The following ARNT2 variants were observed in gnomAD, a reference collection of about 807,000 sequenced individuals.
ARNT2 encodes aryl hydrocarbon receptor nuclear translocator 2.
ARNT2 carries 36 observed loss-of-function variants against 91.7 expected under a neutral mutation model. The observed-to-expected ratio is 0.39, with a 90% confidence interval of 0.30 to 0.52. The LOEUF is 0.52. ARNT2 is among the 20% of genes least tolerant of loss of function. ARNT2 has a pLI of 0.72. For missense variants in ARNT2, 775 were observed against 939.3 expected (o/e 0.83, Z 2.29); for synonymous variants, 365 against 347.1 (o/e 1.05, Z -0.57).
chr15:80,462,211 A>AT (rs111678549), intron 3 of ARNT2, among the ~76,000 whole-genome samples: 69,331 of 151,654 alleles, frequency 0.46, 15,876 homozygotes, highest in African/African-American at 0.49. Context: ...AGATTGATAC[A>AT]TTTTCTAGGG....
chr15:80,573,406 G>A (rs1015770810), intron 12 of ARNT2, among the ~76,000 whole-genome samples: 1 of 152,152 alleles, frequency 6.6e-6, no homozygotes, highest in Non-Finnish European at 1.5e-5. Flanking sequence ...AGTAATGTCT[G>A]TTAGTAATTT....
intron 1 of ARNT2, among the ~76,000 whole-genome samples, chr15:80,445,495 T>C (rs962738944): frequency 6.6e-6 from 1 of 151,072 alleles, no homozygotes; most frequent in Non-Finnish European, 1.5e-5. Flanking sequence ...GTGGTGTGTG[T>C]GAGTGGTATG....
intron 12 of ARNT2, among the ~76,000 whole-genome samples, chr15:80,565,730 G>GT (rs1415898580): frequency 6.6e-6 from 1 of 151,622 alleles, no homozygotes; most frequent in African/African-American, 2.4e-5. Context: ...AATGGGATTT[G>GT]TTTTTTTCTC....
intron 1 of ARNT2, among the ~76,000 whole-genome samples, chr15:80,425,813 C>CAAGGCAGGAGGATCACTT (rs1158452500): frequency 1.3e-5 from 2 of 152,066 alleles, no homozygotes; most frequent in Non-Finnish European, 2.9e-5. Context: ...TTTGGGAGGC[C>CAAGGCAGGAGGATCACTT]AAGGCAGGAG....
In ARNT2 at chr15:80,580,481, CA is replaced by C; in HGVS notation, c.1687del (p.Ile563SerfsTer5). The part of the protein sequence containing the change: ...SSSSTGQNMS[Q>X]ISRQLNQSQV... ...TTCTTCCACGGGCCAGAACATGTCC[CA>C]AATCTCCCGGCAGCTAAACCAGAGT... On this transcript the variant is annotated frameshift_variant, in exon 16 of 19. Coordinates refer to ENST00000303329, the MANE Select transcript of ARNT2 (RefSeq NM_014862.4). LOFTEE classifies it high-confidence loss of function. 1 of 1,614,140 alleles carries C rather than the reference CA, an allele frequency of 6.2e-7. No individual in the cohort carries two copies. Among genetic ancestry groups the C allele is most frequent in the Non-Finnish European group, 8.5e-7 (1 of 1,180,032 alleles).
Position 80,417,371 on chromosome 15 carries a change from G to A in ARNT2, c.31+12825G>A, listed in dbSNP as rs560733797. On this transcript the variant is annotated intron_variant, in intron 1 of 18. Transcript: ENST00000303329. ...AAGTTTCACTTGAAAACAAATTTGC[G>A]TTTTACTGTGGCTTCATAAAAAGAG... Among the ~76,000 whole-genome samples, 7 of 152,186 alleles carry A rather than the reference G, an allele frequency of 4.6e-5. No individual in the cohort carries two copies. In the East Asian group the frequency reaches 9.6e-4, roughly 21 times the overall value.
chr15:80,504,987 C>G (rs1476574222), intron 5 of ARNT2, among the ~76,000 whole-genome samples: 1 of 152,148 alleles, frequency 6.6e-6, no homozygotes, highest in Non-Finnish European at 1.5e-5. Flanking sequence ...TTATACTGGT[C>G]TGCGGGACTT....
intron 5 of ARNT2, among the ~76,000 whole-genome samples, chr15:80,499,628 G>A (rs1405015698): frequency 6.6e-6 from 1 of 152,188 alleles, no homozygotes; most frequent in East Asian, 1.9e-4. Context: ...GAGGGGGAAA[G>A]GTGGCAAAGG....
chr15:80,576,744 G>C (rs1036947562), intron 14 of ARNT2, 122 bp from the exon 15 acceptor site: 43 of 967,850 alleles, frequency 4.4e-5, no homozygotes, highest in Non-Finnish European at 6.1e-5. Flanking sequence ...GTGCAGGCGG[G>C]CTGCCCTGAC....
chr15:80,521,908 C>T (rs570397696), intron 8 of ARNT2, among the ~76,000 whole-genome samples: 1 of 152,210 alleles, frequency 6.6e-6, no homozygotes, highest in East Asian at 1.9e-4. Flanking sequence ...CCAACTCATA[C>T]ACCTGTCACG....
chr15:80,525,188 G>A (rs1206781645), intron 8 of ARNT2, among the ~76,000 whole-genome samples: 1 of 152,174 alleles, frequency 6.6e-6, no homozygotes, highest in Non-Finnish European at 1.5e-5. Context: ...TGAGTGGTCT[G>A]CACTGGATTT....
At chr15:80,426,685 T>C (rs1895936629) in intron 1 of ARNT2, among the ~76,000 whole-genome samples, 1 of 152,204 alleles carries the variant, frequency 6.6e-6, no homozygotes, top group Non-Finnish European at 1.5e-5. Flanking sequence ...AGCAACCCAT[T>C]TCATGAATTA....
intron 1 of ARNT2, among the ~76,000 whole-genome samples, chr15:80,425,661 C>T (rs543789268): frequency 2.0e-5 from 3 of 152,060 alleles, no homozygotes; most frequent in East Asian, 3.9e-4. Context: ...TGGTTTGCTG[C>T]ACCTATTGAC....
At chr15:80,465,106 A>C (rs1251233535) in intron 3 of ARNT2, among the ~76,000 whole-genome samples, 1 of 152,244 alleles carries the variant, frequency 6.6e-6, no homozygotes, top group Non-Finnish European at 1.5e-5. Context: ...GAAGCCCTTT[A>C]CTGGAATTGC....
At chr15:80,550,460 C>G (rs1898064189) in intron 8 of ARNT2, among the ~76,000 whole-genome samples, 1 of 152,204 alleles carries the variant, frequency 6.6e-6, no homozygotes, top group Non-Finnish European at 1.5e-5. Flanking sequence ...CTTAACAGCA[C>G]TTGCCTATGA....
intron 5 of ARNT2, among the ~76,000 whole-genome samples, chr15:80,482,806 T>C (rs1347828606): frequency 1.3e-5 from 2 of 152,122 alleles, no homozygotes; most frequent in Admixed American, 1.3e-4. Context: ...TGCAGATTCT[T>C]CCCCACTGAA....
rs530561547 is a variant in ARNT2 at position 80,524,865 on chromosome 15, ACT to A, written c.877+10463_877+10464del. Among the ~76,000 whole-genome samples, 620 of 149,606 alleles carry A rather than the reference ACT, an allele frequency of 4.1e-3. 3 individuals carry two copies. Among genetic ancestry groups the A allele is most frequent in the African/African-American group, 0.014 (559 of 40,522 alleles). On this transcript the variant is annotated intron_variant, in intron 8 of 18. Coordinates refer to ENST00000303329, the MANE Select transcript of ARNT2 (RefSeq NM_014862.4). ...ACTCCAGCCTGGGCGACAGAGCCAG[ACT>A]CTGTCTCAAAAAAAAAAAAAAAGAA...
chr15:80,586,583 A>G (rs1893175841), intron 17 of ARNT2, among the ~76,000 whole-genome samples: 1 of 152,166 alleles, frequency 6.6e-6, no homozygotes, highest in African/African-American at 2.4e-5. Flanking sequence ...TTGTTATTCC[A>G]GGCTGGGTGT....
intron 1 of ARNT2, among the ~76,000 whole-genome samples, chr15:80,438,669 A>G (rs1896132681): frequency 6.6e-6 from 1 of 152,148 alleles, no homozygotes. Context: ...GTCTTTGTAA[A>G]AGTAGCAAGC....
Sources: gnomAD v4.1 joint callset for allele counts (sites outside exome capture counted in the v4.1 genomes callset) on GRCh38, gnomAD v4.1.1 for gene constraint, MANE v1.5 for transcripts, NCBI Gene and HGNC (gene_info 2026-07-23, HGNC 2026-07-21) for gene names.